The following RBFOX1 variants were observed in gnomAD, a reference collection of about 807,000 sequenced individuals.
RBFOX1 encodes RNA binding fox-1 homolog 1.
In RBFOX1, 8 loss-of-function variants were observed where a neutral mutation model predicts 57.7. The observed-to-expected ratio is 0.14, with a 90% confidence interval of 0.08 to 0.25. The LOEUF is 0.25. Ranked by LOEUF, RBFOX1 falls within the 10% of genes least tolerant of loss-of-function variation. The pLI, the probability that RBFOX1 is intolerant of heterozygous loss-of-function variation, is 1.00. For synonymous variants in RBFOX1, 326 were observed against 222.4 expected (o/e 1.47, Z -4.15); for missense variants, 611 against 548.5 (o/e 1.11, Z -1.14).
intron 3 of RBFOX1, among the ~76,000 whole-genome samples, chr16:7,000,467 A>G (rs76078275): frequency 0.026 from 3,921 of 151,966 alleles, 183 homozygotes; most frequent in African/African-American, 0.09. Context: ...TGCTAATTGC[A>G]TTCTTTCTTC....
chr16:6,970,256 A>G (rs980262790), intron 3 of RBFOX1, among the ~76,000 whole-genome samples: 1 of 152,196 alleles, frequency 6.6e-6, no homozygotes, highest in Non-Finnish European at 1.5e-5. Flanking sequence ...TCTTAACAGA[A>G]TAAGAAGGCA....
chr16:6,037,412 T>C lies in RBFOX1; in HGVS notation c.-127+17420T>C, dbSNP rs553061885. 7 of 152,242 alleles carry C rather than the reference T, an allele frequency of 4.6e-5. No individual in the cohort carries two copies. In the East Asian group the frequency reaches 9.6e-4, roughly 21 times the overall value. The allele number at this position is 152,242 out of a possible 1,614,324, so 9.4% of individuals were successfully genotyped here. On this transcript the variant is annotated intron_variant, in intron 1 of 15. Transcript: ENST00000550418. ...CTAGACTTCCTGGTACAACATTTAA[T>C]TGTAGTCCTTAGTAAACTTTTGTAA...
chr16:6,865,970 A>G (rs1340635296), intron 3 of RBFOX1, among the ~76,000 whole-genome samples: 1 of 152,190 alleles, frequency 6.6e-6, no homozygotes, highest in Non-Finnish European at 1.5e-5. Context: ...CACATAAGAA[A>G]TGCATTGAAA....
In RBFOX1 at chr16:6,302,007, C is replaced by T. The variant is rs9937954; in HGVS notation, c.-126-14988C>T. ...ATCAGAAACCGAGCTTTGTTTACTG[C>T]AGGTTTTCAGTTCTTACCACTATAT... On this transcript the variant is annotated intron_variant, in intron 1 of 15. Coordinates refer to ENST00000550418, the MANE Select transcript of RBFOX1 (RefSeq NM_018723.4). Among the ~76,000 whole-genome samples, 1,337 of 152,192 alleles carry T rather than the reference C, an allele frequency of 8.8e-3. 27 individuals carry two copies. Among genetic ancestry groups the T allele is most frequent in the African/African-American group, 0.03 (1,252 of 41,522 alleles).
intron 3 of RBFOX1, among the ~76,000 whole-genome samples, chr16:7,046,596 G>A (rs1254524912): frequency 4.7e-5 from 6 of 128,634 alleles, no homozygotes; most frequent in Admixed American, 8.4e-5. Context: ...TAGTCTTTGT[G>A]TTTTATCTTT....
chr16:5,697,453 T>C (rs17346577), intron 3 of RBFOX1, among the ~76,000 whole-genome samples: 14,298 of 151,068 alleles, frequency 0.095, 2,257 homozygotes, highest in African/African-American at 0.32. Context: ...GCCATATTTA[T>C]TGCCTATTGC....
chr16:5,907,295 GC>G (rs554356895), intron 4 of RBFOX1, among the ~76,000 whole-genome samples: 48 of 152,056 alleles, frequency 3.2e-4, no homozygotes, highest in Admixed American at 3.1e-3. Flanking sequence ...CTCTGTGCAT[GC>G]CCCTGGACCA....
intron 4 of RBFOX1, among the ~76,000 whole-genome samples, chr16:5,918,034 C>G (rs145339310): frequency 3.9e-5 from 6 of 152,190 alleles, no homozygotes; most frequent in Non-Finnish European, 7.3e-5. Flanking sequence ...AGAAAGCCCT[C>G]CTTTCACAGG....
At chr16:6,254,968 A>G (rs1033377653) in intron 1 of RBFOX1, among the ~76,000 whole-genome samples, 1 of 151,722 alleles carries the variant, frequency 6.6e-6, no homozygotes, top group African/African-American at 2.4e-5. Flanking sequence ...ATTAAAATAT[A>G]TATGGTTTTG....
intron 1 of RBFOX1, among the ~76,000 whole-genome samples, chr16:6,216,634 C>T (rs567686479): frequency 6.6e-6 from 1 of 152,278 alleles, no homozygotes; most frequent in Admixed American, 6.5e-5. Context: ...AATGCTGTAA[C>T]TTTGATTTGT....
intron 2 of RBFOX1, among the ~76,000 whole-genome samples, chr16:6,385,147 C>G (rs2092157464): frequency 6.6e-6 from 1 of 152,176 alleles, no homozygotes; most frequent in South Asian, 2.1e-4. Context: ...ATGGTGTCAT[C>G]ATGGGAAGAT....
intron 2 of RBFOX1, among the ~76,000 whole-genome samples, chr16:6,524,221 C>T (rs968341040): frequency 1.4e-4 from 21 of 152,118 alleles, no homozygotes; most frequent in Admixed American, 2.6e-4. Flanking sequence ...TTCTAGATCC[C>T]ACAGATTAGT....
At chr16:5,661,852 C>T (rs1389432642) in intron 3 of RBFOX1, among the ~76,000 whole-genome samples, 1 of 150,710 alleles carries the variant, frequency 6.6e-6, no homozygotes, top group Non-Finnish European at 1.5e-5. Context: ...ATGGTGAGAT[C>T]TCGGCTCACT....
intron 3 of RBFOX1, among the ~76,000 whole-genome samples, chr16:5,795,631 C>A (rs1036003086): frequency 2.0e-5 from 3 of 152,138 alleles, no homozygotes; most frequent in Admixed American, 6.5e-5. Context: ...GAATTCTTTC[C>A]CCTCCTTACC....
At chr16:7,199,246 A>T (rs1027054640) in intron 4 of RBFOX1, among the ~76,000 whole-genome samples, 1 of 152,212 alleles carries the variant, frequency 6.6e-6, no homozygotes, top group Non-Finnish European at 1.5e-5. Flanking sequence ...AAACCAGACA[A>T]GATTTCCTTC....
At chr16:7,439,003 C>T (rs191260835) in intron 4 of RBFOX1, among the ~76,000 whole-genome samples, 100 of 152,284 alleles carry the variant, frequency 6.6e-4, no homozygotes, top group Non-Finnish European at 1.1e-3. Context: ...GAGGGCAGGT[C>T]GCGCTGTGGT....
At chr16:5,432,537 G>GTT (rs796803782) in intron 1 of RBFOX1, among the ~76,000 whole-genome samples, 16 of 109,440 alleles carry the variant, frequency 1.5e-4, no homozygotes, top group African/African-American at 3.9e-4. Flanking sequence ...CAACTGGGGA[G>GTT]TTTTTTTTTT....
chr16:7,651,878 T>A (rs1484112127), intron 11 of RBFOX1, among the ~76,000 whole-genome samples: 2 of 152,176 alleles, frequency 1.3e-5, no homozygotes, highest in Non-Finnish European at 2.9e-5. Flanking sequence ...TGGGAAACAA[T>A]ACCTGCTGCT....
intron 2 of RBFOX1, among the ~76,000 whole-genome samples, chr16:5,557,228 C>G (rs557078061): frequency 9.1e-4 from 138 of 151,730 alleles, no homozygotes; most frequent in African/African-American, 3.2e-3. Flanking sequence ...CCACTGCACT[C>G]CAGCCGGGGT....
Sources: allele counts gnomAD v4.1 joint callset (sites outside exome capture counted in the v4.1 genomes callset), GRCh38; gene constraint gnomAD v4.1.1; transcripts MANE v1.5; gene names NCBI Gene and HGNC (gene_info 2026-07-23, HGNC 2026-07-21).